The following CCDC88C variants were observed in gnomAD, a reference collection of about 807,000 sequenced individuals.
CCDC88C encodes protein Daple.
CCDC88C carries 131 observed loss-of-function variants against 198.8 expected under a neutral mutation model. The observed-to-expected ratio is 0.66, with a 90% CI of 0.57 to 0.76. The LOEUF (loss-of-function observed/expected upper bound fraction) is 0.76, where lower values mean the gene tolerates loss of function less well. Among genes scored for constraint, CCDC88C ranks in the 30% least tolerant of loss-of-function variants. The pLI, the probability that CCDC88C is intolerant of heterozygous loss-of-function variation, is 0.00. For missense variants in CCDC88C, 2,553 were observed against 2,631.6 expected, an observed-to-expected ratio of 0.97 and a Z score of 0.65; for synonymous variants, 1,166 against 1,114.7, an observed-to-expected ratio of 1.05 and a Z score of -0.92.
At position 91,417,781 on chromosome 14, in the gene CCDC88C, G is replaced by A. The variant is rs1887150627; in HGVS notation, c.-91C>T. 4.3e-6 allele frequency: 4 copies of A among 934,406 alleles called. No individual in the cohort carries two copies. The highest frequency in any genetic ancestry group is 2.7e-6 in the Non-Finnish European group (2 of 728,938). 57.9% of individuals were successfully genotyped at this position (934,406 alleles called of 1,614,324 possible). The stretch of plus-strand genomic sequence containing the variant: ...CAAAACGGCTCCGCAGCGAGCAGCG[G>A]GCGCGGGGCTGCGGCGGCTCGCGCC... On this transcript the variant is annotated 5_prime_UTR_variant, in exon 1 of 30. Transcript: ENST00000389857.
intron 3 of CCDC88C, among the ~76,000 whole-genome samples, chr14:91,399,931 A>G (rs1029488213): frequency 2.0e-5 from 3 of 151,582 alleles, no homozygotes; most frequent in Admixed American, 6.6e-5. Flanking sequence ...TACCCGCAAG[A>G]GACGCCCCAA....
At chr14:91,279,771 A>G (rs901144032) in intron 27 of CCDC88C, 2 of 152,766 alleles carry the variant, frequency 1.3e-5, no homozygotes, top group African/African-American at 4.8e-5. Flanking sequence ...GTGTGCGCAC[A>G]TGTAAGGGCA....
chr14:91,335,798 T>C (rs1893022217), intron 10 of CCDC88C, among the ~76,000 whole-genome samples: 1 of 152,212 alleles, frequency 6.6e-6, no homozygotes, highest in Non-Finnish European at 1.5e-5. Flanking sequence ...AAGCATCCTA[T>C]GAGGACTGAA....
chr14:91,393,328 C>A (rs1033800893), intron 3 of CCDC88C, among the ~76,000 whole-genome samples: 5 of 152,058 alleles, frequency 3.3e-5, no homozygotes, highest in African/African-American at 1.2e-4. Context: ...GGATGGGAGC[C>A]CCCCCACCCC....
chr14:91,308,949 G>A (rs777635308), intron 16 of CCDC88C, among the ~76,000 whole-genome samples: 9 of 152,204 alleles, frequency 5.9e-5, no homozygotes, highest in African/African-American at 2.4e-5. Context: ...AGATCAGGCC[G>A]AGCACAGTGG....
At chr14:91,367,424 A>G (rs1029261143) in intron 3 of CCDC88C, among the ~76,000 whole-genome samples, 2 of 152,242 alleles carry the variant, frequency 1.3e-5, no homozygotes, top group African/African-American at 4.8e-5. Context: ...TAGCAGAAGC[A>G]TGAGTGACGT....
intron 3 of CCDC88C, among the ~76,000 whole-genome samples, chr14:91,370,264 G>A (rs1596122501): frequency 6.6e-6 from 1 of 152,230 alleles, no homozygotes; most frequent in East Asian, 1.9e-4. Context: ...GAAGGGGGAA[G>A]GGAGGGGCTG....
chr14:91,274,754 T>C (rs530084811), intron 29 of CCDC88C, among the ~76,000 whole-genome samples: 68 of 152,346 alleles, frequency 4.5e-4, no homozygotes, highest in African/African-American at 1.5e-3. Context: ...ACATGTATAA[T>C]TGCAAAGAAA....
intron 4 of CCDC88C, among the ~76,000 whole-genome samples, chr14:91,345,190 A>ATATATATATATTTT (rs1246878587): frequency 7.7e-5 from 4 of 52,204 alleles, no homozygotes; most frequent in African/African-American, 3.1e-4. Flanking sequence ...ATATATATAT[A>ATATATATATATTTT]TTTTTTTTTT....
At chr14:91,283,577 A>G in intron 25 of CCDC88C, 60 bp from the exon 26 acceptor site, 1 of 1,497,042 alleles carries the variant, frequency 6.7e-7, no homozygotes, top group Non-Finnish European at 9.1e-7. Context: ...AGGCTGGGAA[A>G]CCACACCATG....
chr14:91,357,657 A>G (rs952603089), intron 4 of CCDC88C, among the ~76,000 whole-genome samples: 2 of 152,096 alleles, frequency 1.3e-5, no homozygotes, highest in African/African-American at 2.4e-5. Flanking sequence ...TACAGGCATC[A>G]CTCTCATCTC....
At chr14:91,275,965 G>T (rs1889945536) in intron 29 of CCDC88C, among the ~76,000 whole-genome samples, 1 of 151,592 alleles carries the variant, frequency 6.6e-6, no homozygotes, top group Admixed American at 6.6e-5. Flanking sequence ...GGGACTACAG[G>T]CGCGCGCCAC....
At chr14:91,310,732 G>T (rs1477991484) in intron 15 of CCDC88C, among the ~76,000 whole-genome samples, 2 of 152,128 alleles carry the variant, frequency 1.3e-5, no homozygotes, top group African/African-American at 4.8e-5. Context: ...TCAAAACATG[G>T]GTGTTGAATG....
chr14:91,361,111 C>T (rs1416570572), intron 3 of CCDC88C, among the ~76,000 whole-genome samples: 2 of 139,822 alleles, frequency 1.4e-5, no homozygotes, highest in East Asian at 2.0e-4. Context: ...GCCTGGGTGA[C>T]GAGTAAAACC....
chr14:91,284,648 G>A lies in CCDC88C; in HGVS notation c.4442-1131C>T, dbSNP rs965173873. Among the ~76,000 whole-genome samples the A allele has an allele frequency of 1.3e-5, 2 of 152,208 alleles. No homozygotes were observed. Among genetic ancestry groups the A allele is most frequent in the African/African-American group, 2.4e-5 (1 of 41,442 alleles). ...CACGGCAGCCCAGGGTTCCCAGAGCGAGGCTCATGAGATGAAGTCAGTGGC... is the reference window on the plus strand; with the variant it reads ...CACGGCAGCCCAGGGTTCCCAGAGCAAGGCTCATGAGATGAAGTCAGTGGC... On this transcript the variant is annotated intron_variant, in intron 25 of 29. Transcript: ENST00000389857. This position sits in a 1 kb window ranked among gnomAD's most constrained non-coding sequence, Gnocchi z 4.1.
chr14:91,309,424 C>T (rs960096569), intron 16 of CCDC88C, among the ~76,000 whole-genome samples: 6 of 152,022 alleles, frequency 3.9e-5, no homozygotes, highest in East Asian at 3.9e-4. Flanking sequence ...GCTAATATGG[C>T]GAAACCCCCT....
At chr14:91,326,078 G>A (rs972945164) in intron 10 of CCDC88C, 22 bp from the exon 11 acceptor site, 29 of 1,602,752 alleles carry the variant, frequency 1.8e-5, no homozygotes, top group Non-Finnish European at 2.5e-5. Context: ...AAACATACAT[G>A]AGAACCATCA....
At chr14:91,310,429 T>C (rs1389083846) in intron 15 of CCDC88C, among the ~76,000 whole-genome samples, 2 of 152,214 alleles carry the variant, frequency 1.3e-5, no homozygotes. Flanking sequence ...TTTCATTTTT[T>C]AGAGACAGCG....
At chr14:91,326,868 T>TG (rs1211883418) in intron 10 of CCDC88C, among the ~76,000 whole-genome samples, 1 of 152,182 alleles carries the variant, frequency 6.6e-6, no homozygotes, top group African/African-American at 2.4e-5. Flanking sequence ...TTCCTGGAAA[T>TG]GGGGGTCTTT....
Sources: gnomAD v4.1 joint callset for allele counts (sites outside exome capture counted in the v4.1 genomes callset) on GRCh38, gnomAD v4.1.1 for gene constraint, Gnocchi (gnomAD v3.1) non-coding constraint, MANE v1.5 for transcripts, NCBI Gene and HGNC (gene_info 2026-07-23, HGNC 2026-07-21) for gene names.